KIF26B: variants seen among roughly 807,000 people sequenced by gnomAD.
KIF26B encodes the protein kinesin family member 26B.
A neutral mutation model predicts 151.2 loss-of-function variants in KIF26B; 63 were observed. That is an observed-to-expected ratio of 0.42 (90% CI 0.34 to 0.51). KIF26B has a LOEUF of 0.51. Among genes scored for constraint, KIF26B ranks in the 20% least tolerant of loss-of-function variants. KIF26B has a pLI of 0.07. For synonymous variants in KIF26B, 1,357 were observed against 1,262.1 expected, an observed-to-expected ratio of 1.08 and a Z score of -1.59; for missense variants, 2,813 against 2,913.6, an observed-to-expected ratio of 0.97 and a Z score of 0.79.
intron 2 of KIF26B, among the ~76,000 whole-genome samples, chr1:245,268,103 T>C (rs924618570): frequency 3.3e-5 from 5 of 151,812 alleles, no homozygotes; most frequent in Non-Finnish European, 5.9e-5. Flanking sequence ...ACCCAGGAGG[T>C]TGAGGCTGCA....
intron 3 of KIF26B, among the ~76,000 whole-genome samples, chr1:245,368,175 T>C (rs1673008490): frequency 6.6e-6 from 1 of 152,214 alleles, no homozygotes; most frequent in Non-Finnish European, 1.5e-5. Context: ...CAACTCACCT[T>C]AAGAACTACT....
chr1:245,502,018 G>A (rs1266491297), intron 4 of KIF26B, among the ~76,000 whole-genome samples: 2 of 152,168 alleles, frequency 1.3e-5, no homozygotes, highest in Non-Finnish European at 2.9e-5. Flanking sequence ...CTTCAGATGA[G>A]CAAACACCAG....
chr1:245,420,347 G>A lies in KIF26B; in HGVS notation c.1166+602G>A, dbSNP rs189582794. Among the ~76,000 whole-genome samples the A allele has an allele frequency of 1.4e-3, 208 of 152,320 alleles. 4 individuals carry two copies. The highest frequency in any genetic ancestry group is 2.3e-3 in the Admixed American group (35 of 15,304). ...CTAATTTTAGCAACATGGCAGAGAC[G>A]GGGCGGGAGACGAAGGACAGCTGAG... On this transcript the variant is annotated intron_variant, in intron 4 of 14. Transcript: ENST00000407071.
At chr1:245,298,752 A>G (rs1391890351) in intron 2 of KIF26B, among the ~76,000 whole-genome samples, 1 of 152,236 alleles carries the variant, frequency 6.6e-6, no homozygotes, top group Non-Finnish European at 1.5e-5. Context: ...TGGTCATAGC[A>G]GTGTGTGGAA....
At chr1:245,700,482 A>G (rs994211267) in intron 14 of KIF26B, among the ~76,000 whole-genome samples, 1 of 152,128 alleles carries the variant, frequency 6.6e-6, no homozygotes, top group Non-Finnish European at 1.5e-5. Flanking sequence ...ACTTGAGCCC[A>G]GGAGTTCAAG....
chr1:245,461,852 G>A (rs977345542), intron 4 of KIF26B, among the ~76,000 whole-genome samples: 4 of 152,172 alleles, frequency 2.6e-5, no homozygotes, highest in Non-Finnish European at 5.9e-5. Flanking sequence ...GGTGACTCAT[G>A]CCAGTAATCC....
intron 5 of KIF26B, among the ~76,000 whole-genome samples, chr1:245,579,337 T>C (rs2043152708): frequency 6.6e-6 from 1 of 152,042 alleles, no homozygotes; most frequent in Admixed American, 6.5e-5. Context: ...ACAAATTAAG[T>C]TTTGAAAAAG....
chr1:245,561,894 A>T (rs1002420248), intron 5 of KIF26B, among the ~76,000 whole-genome samples: 1 of 152,154 alleles, frequency 6.6e-6, no homozygotes, highest in Non-Finnish European at 1.5e-5. Flanking sequence ...TAAATGTCAG[A>T]GGTGGTCCTG....
chr1:245,532,786 C>G (rs1661403272), intron 4 of KIF26B, among the ~76,000 whole-genome samples: 2 of 152,056 alleles, frequency 1.3e-5, no homozygotes, highest in African/African-American at 4.8e-5. Context: ...AAACCCCAGC[C>G]CCATATGCTT....
intron 3 of KIF26B, among the ~76,000 whole-genome samples, chr1:245,390,833 C>A (rs1673667124): frequency 7.0e-6 from 1 of 141,940 alleles, no homozygotes; most frequent in African/African-American, 2.6e-5. Context: ...TGCCTTTAGT[C>A]CAAACCATTT....
At chr1:245,623,417 A>G (rs1256465301) in intron 9 of KIF26B, among the ~76,000 whole-genome samples, 2 of 152,186 alleles carry the variant, frequency 1.3e-5, no homozygotes. Flanking sequence ...CTGTATCAAT[A>G]GTTCATATAT....
chr1:245,348,150 C>T (rs1489493123), intron 2 of KIF26B, among the ~76,000 whole-genome samples: 1 of 152,190 alleles, frequency 6.6e-6, no homozygotes, highest in Non-Finnish European at 1.5e-5. Flanking sequence ...CCTTTGAGCT[C>T]ACTACCTATT....
intron 2 of KIF26B, among the ~76,000 whole-genome samples, chr1:245,302,461 A>T (rs1032798848): frequency 2.6e-5 from 4 of 152,214 alleles, no homozygotes; most frequent in African/African-American, 9.6e-5. Flanking sequence ...TGCAACCAAA[A>T]TTGGACATTA....
chr1:245,691,012 G>C (rs1170881390), intron 12 of KIF26B, among the ~76,000 whole-genome samples: 1 of 152,174 alleles, frequency 6.6e-6, no homozygotes, highest in Non-Finnish European at 1.5e-5. Flanking sequence ...ACGCAGCCTC[G>C]GTCTTCAAAG....
intron 2 of KIF26B, among the ~76,000 whole-genome samples, chr1:245,297,785 A>G (rs762328717): frequency 2.0e-5 from 3 of 152,212 alleles, no homozygotes; most frequent in African/African-American, 7.2e-5. Flanking sequence ...CCCTGAACCC[A>G]TAGCCTCGTG....
chr1:245,677,590 G>A (rs1238495146), intron 10 of KIF26B, among the ~76,000 whole-genome samples: 1 of 152,262 alleles, frequency 6.6e-6, no homozygotes, highest in African/African-American at 2.4e-5. Context: ...GTACCCCAAA[G>A]CAAGTAATTC....
At chr1:245,392,582 G>A (rs1673725993) in intron 3 of KIF26B, among the ~76,000 whole-genome samples, 1 of 152,128 alleles carries the variant, frequency 6.6e-6, no homozygotes, top group Non-Finnish European at 1.5e-5. Context: ...TGTTGCTGTT[G>A]AAAAGTCTGA....
intron 2 of KIF26B, among the ~76,000 whole-genome samples, chr1:245,289,633 C>A (rs923100870): frequency 6.6e-6 from 1 of 152,070 alleles, no homozygotes; most frequent in African/African-American, 2.4e-5. Flanking sequence ...CCTTTCTCAT[C>A]CATCTGAATT....
chr1:245,514,041 G>A (rs1422040037), intron 4 of KIF26B, among the ~76,000 whole-genome samples: 4 of 152,112 alleles, frequency 2.6e-5, no homozygotes, highest in Admixed American at 6.5e-5. Context: ...TGTAAATATC[G>A]TTAATAACAA....
Sources: allele counts gnomAD v4.1 joint callset (sites outside exome capture counted in the v4.1 genomes callset), GRCh38; gene constraint gnomAD v4.1.1; transcripts MANE v1.5; gene names NCBI Gene and HGNC (gene_info 2026-07-23, HGNC 2026-07-21).